Variants in DAB1 observed in about 807,000 individuals in gnomAD.
DAB1 encodes disabled homolog 1.
DAB1 carries 15 observed loss-of-function variants against 64.6 expected under a neutral mutation model. The ratio of observed to expected loss-of-function variants is 0.23; its 90% CI spans 0.16 to 0.36. The LOEUF is 0.36. Among genes scored for constraint, DAB1 ranks in the 10% least tolerant of loss-of-function variants. The probability of loss-of-function intolerance (pLI) is 1.00; values close to 1 mark genes in which losing one functional copy is unlikely to be tolerated. For synonymous variants in DAB1, 235 were observed against 251.9 expected (o/e 0.93, Z 0.64); for missense variants, 596 against 706.7 (o/e 0.84, Z 1.78).
chr1:57,351,154 G>A (rs1208235046), intron 1 of DAB1, among the ~76,000 whole-genome samples: 5 of 152,160 alleles, frequency 3.3e-5, no homozygotes, highest in African/African-American at 1.2e-4. Context: ...TGAGTCACTT[G>A]TTCAAGTTTC....
intron 4 of DAB1, among the ~76,000 whole-genome samples, chr1:57,112,489 AG>A (rs774086802): frequency 1.2e-4 from 19 of 152,266 alleles, no homozygotes; most frequent in Admixed American, 3.3e-4. Context: ...ATTTTCAAAG[AG>A]TAACTATGAA....
intron 3 of DAB1, among the ~76,000 whole-genome samples, chr1:58,473,015 TAA>T (rs1197452135): frequency 3.3e-5 from 5 of 152,122 alleles, no homozygotes; most frequent in South Asian, 2.1e-4. Flanking sequence ...GAAGATTTGT[TAA>T]GAGAGGAAGT....
At chr1:57,064,133 A>G (rs1650678015) in intron 8 of DAB1, among the ~76,000 whole-genome samples, 1 of 152,224 alleles carries the variant, frequency 6.6e-6, no homozygotes, top group Non-Finnish European at 1.5e-5. Context: ...GAGCTAGCTA[A>G]CTACACCATT....
intron 7 of DAB1, among the ~76,000 whole-genome samples, chr1:57,636,114 C>CAAAA (rs879722073): frequency 3.2e-5 from 4 of 124,236 alleles, no homozygotes; most frequent in East Asian, 2.6e-4. Context: ...AAAAAAAAAA[C>CAAAA]AAAAACAAAA....
chr1:57,291,714 A>C (rs663975), intron 1 of DAB1, among the ~76,000 whole-genome samples: 60,904 of 152,060 alleles, frequency 0.4, 12,609 homozygotes, highest in Admixed American at 0.56. Flanking sequence ...TTTATGTCAG[A>C]TTTTCCTCCA....
intron 7 of DAB1, among the ~76,000 whole-genome samples, chr1:57,649,380 C>T (rs570448669): frequency 6.6e-6 from 1 of 152,324 alleles, no homozygotes; most frequent in East Asian, 1.9e-4. Flanking sequence ...CCAATATTCT[C>T]TTCCTCTAAC....
intron 6 of DAB1, among the ~76,000 whole-genome samples, chr1:57,802,212 A>G (rs1237884493): frequency 6.6e-6 from 1 of 152,180 alleles, no homozygotes; most frequent in Non-Finnish European, 1.5e-5. Context: ...AATTCCAACA[A>G]TGAGGACTGG....
At position 58,484,336 on chromosome 1, in the gene DAB1, T is replaced by C. The variant is rs186225752; in HGVS notation, n.257+21724A>G. ...GATATGTGAAGTCTAACACCCAAAA[T>C]AGAATGATCTGATCAAAGAGTAAGC... On this transcript the variant is annotated intron_variant and non_coding_transcript_variant, in intron 3 of 20. Transcript: ENST00000485760. Among the ~76,000 whole-genome samples, 1,287 of 152,296 alleles carry C rather than the reference T, an allele frequency of 8.5e-3. 5 individuals carry two copies. The highest frequency in any genetic ancestry group is 0.012 in the Non-Finnish European group (834 of 68,014).
At chr1:57,002,359 G>A (rs766659329) in intron 14 of DAB1, among the ~76,000 whole-genome samples, 1 of 152,174 alleles carries the variant, frequency 6.6e-6, no homozygotes, top group Non-Finnish European at 1.5e-5. Flanking sequence ...AGCGCAGAGG[G>A]AGGAGCAATG....
chr1:57,452,791 A>G, intron 7 of DAB1, among the ~76,000 whole-genome samples: 1 of 152,234 alleles, frequency 6.6e-6, no homozygotes, highest in East Asian at 1.9e-4. Flanking sequence ...GCCTTGTTCT[A>G]AACACCATTG....
chr1:57,033,648 T>C, intron 9 of DAB1: 1 of 1,398,024 alleles, frequency 7.2e-7, no homozygotes, highest in Non-Finnish European at 1.0e-6. Flanking sequence ...AGTTTAATGA[T>C]GACAGTATCT....
intron 4 of DAB1, among the ~76,000 whole-genome samples, chr1:58,202,812 C>T (rs556411640): frequency 6.6e-6 from 1 of 152,264 alleles, no homozygotes; most frequent in African/African-American, 2.4e-5. Flanking sequence ...ACATGTAGCA[C>T]CCACACCTCC....
intron 7 of DAB1, among the ~76,000 whole-genome samples, chr1:57,612,428 A>G (rs925217490): frequency 2.0e-5 from 3 of 152,148 alleles, no homozygotes; most frequent in South Asian, 4.1e-4. Context: ...GGTGGGCCCA[A>G]TATAATTACA....
At chr1:57,932,353 G>T (rs1254836106) in intron 5 of DAB1, among the ~76,000 whole-genome samples, 1 of 152,000 alleles carries the variant, frequency 6.6e-6, no homozygotes, top group Non-Finnish European at 1.5e-5. Context: ...ATATTCAGTT[G>T]ATTGATGGCA....
At chr1:57,131,389 C>G (rs187648025) in intron 4 of DAB1, among the ~76,000 whole-genome samples, 38 of 152,314 alleles carry the variant, frequency 2.5e-4, no homozygotes, top group Admixed American at 2.1e-3. Context: ...CTAAACCACA[C>G]TGTCATGTTT....
chr1:58,091,404 G>T (rs1366880859), intron 5 of DAB1, among the ~76,000 whole-genome samples: 2 of 152,006 alleles, frequency 1.3e-5, no homozygotes, highest in Non-Finnish European at 2.9e-5. Context: ...ACCACCCAGA[G>T]CTCCCCACAT....
rs201725093 is a variant in DAB1 at position 57,456,620 on chromosome 1, GA to G, written n.626-165455del. On this transcript the variant is annotated intron_variant and non_coding_transcript_variant, in intron 7 of 20. Transcript: ENST00000485760. ...TTCTCTCAATCCTCTCATAAAGGCAGAAAAAAAACTCATAAAAATATACCAA... is the reference window on the plus strand; with the variant it reads ...TTCTCTCAATCCTCTCATAAAGGCAGAAAAAAACTCATAAAAATATACCAA... 4.0e-5 allele frequency among the ~76,000 whole-genome samples: 6 copies of G among 151,538 alleles called. No homozygotes were observed. The East Asian group carries it at 5.8e-4, about 15-fold the overall frequency.
intron 1 of DAB1, among the ~76,000 whole-genome samples, chr1:57,842,042 A>G (rs1653076094): frequency 6.6e-6 from 1 of 152,208 alleles, no homozygotes; most frequent in Admixed American, 6.5e-5. Context: ...TTGTGAACAC[A>G]TATGGGTGTG....
chr1:58,241,689 A>G (rs1660305571), intron 4 of DAB1, among the ~76,000 whole-genome samples: 1 of 152,138 alleles, frequency 6.6e-6, no homozygotes, highest in Non-Finnish European at 1.5e-5. Context: ...CTTAAAAGCA[A>G]ATTCAAATCT....
Sources: allele counts gnomAD v4.1 joint callset (sites outside exome capture counted in the v4.1 genomes callset), GRCh38; gene constraint gnomAD v4.1.1; transcripts MANE v1.5; gene names NCBI Gene and HGNC (gene_info 2026-07-23, HGNC 2026-07-21).